Variants in PDE11A observed in about 807,000 individuals in gnomAD.
The protein encoded by PDE11A is dual 3',5'-cyclic-AMP and -GMP phosphodiesterase 11A.
Under a neutral mutation model 100.5 loss-of-function variants are expected in PDE11A, and 100 were observed. The ratio of observed to expected loss-of-function variants is 1.00; its 90% CI spans 0.85 to 1.18. The LOEUF is 1.18. Ranked by LOEUF, PDE11A falls within the 50% of genes most tolerant of loss-of-function variation. The pLI, the probability that PDE11A is intolerant of heterozygous loss-of-function variation, is 0.00. For synonymous variants in PDE11A, 381 were observed against 420.8 expected, an observed-to-expected ratio of 0.91 and a Z score of 1.16; for missense variants, 1,141 against 1,152.6, an observed-to-expected ratio of 0.99 and a Z score of 0.15.
At chr2:177,794,512 G>A (rs1256729980) in intron 9 of PDE11A, among the ~76,000 whole-genome samples, 1 of 152,098 alleles carries the variant, frequency 6.6e-6, no homozygotes, top group African/African-American at 2.4e-5. Flanking sequence ...CAGGCTCATC[G>A]AATTGGGCCC....
chr2:177,840,547 C>G (rs111589573), intron 5 of PDE11A, among the ~76,000 whole-genome samples, 164 bp from the exon 6 acceptor site: 9 of 152,236 alleles, frequency 5.9e-5, no homozygotes, highest in African/African-American at 1.9e-4. Flanking sequence ...GTAGCTACTT[C>G]GAAATGACTT....
intron 2 of PDE11A, among the ~76,000 whole-genome samples, chr2:177,957,999 A>G (rs549652110): frequency 6.7e-6 from 1 of 149,182 alleles, no homozygotes; most frequent in South Asian, 2.1e-4. Flanking sequence ...TCCCAGGTTC[A>G]AGCTATTCCC....
intron 2 of PDE11A, among the ~76,000 whole-genome samples, chr2:178,011,448 T>A (rs2086273373): frequency 6.6e-6 from 1 of 152,124 alleles, no homozygotes; most frequent in African/African-American, 2.4e-5. Context: ...TATAATTTTA[T>A]AAAAGGTTGT....
intron 9 of PDE11A, among the ~76,000 whole-genome samples, chr2:177,792,053 C>G (rs953686124): frequency 7.9e-5 from 12 of 152,122 alleles, no homozygotes; most frequent in Non-Finnish European, 1.5e-4. Flanking sequence ...AAATATGGCT[C>G]TATACATATG....
intron 4 of PDE11A, among the ~76,000 whole-genome samples, chr2:177,878,564 T>C (rs1176918708): frequency 6.6e-6 from 1 of 152,176 alleles, no homozygotes; most frequent in Non-Finnish European, 1.5e-5. Flanking sequence ...ATGAGGGATT[T>C]TTCACACATT....
intron 1 of PDE11A, among the ~76,000 whole-genome samples, chr2:178,066,178 A>C (rs2087040741): frequency 6.6e-6 from 1 of 152,102 alleles, no homozygotes; most frequent in African/African-American, 2.4e-5. Flanking sequence ...GAAAAGCACT[A>C]TCTGGGCATT....
intron 19 of PDE11A, among the ~76,000 whole-genome samples, chr2:177,630,186 G>A (rs1268128437): frequency 6.6e-6 from 1 of 152,214 alleles, no homozygotes; most frequent in African/African-American, 2.4e-5. Context: ...GGGGATGAGG[G>A]AAGAGGAAAT....
chr2:178,020,070 C>G (rs956151787), intron 1 of PDE11A, among the ~76,000 whole-genome samples: 1 of 152,170 alleles, frequency 6.6e-6, no homozygotes, highest in Non-Finnish European at 1.5e-5. Flanking sequence ...ATGAGAACCA[C>G]TGTCCTAAAT....
At chr2:177,726,471 A>G (rs940831371) in intron 12 of PDE11A, among the ~76,000 whole-genome samples, 6 of 152,090 alleles carry the variant, frequency 3.9e-5, no homozygotes, top group African/African-American at 1.4e-4. Flanking sequence ...AGCTTACTCT[A>G]TAGGAGGATG....
At chr2:177,920,795 G>A (rs146081387) in intron 2 of PDE11A, among the ~76,000 whole-genome samples, 74 of 152,176 alleles carry the variant, frequency 4.9e-4, no homozygotes, top group African/African-American at 1.0e-3. Flanking sequence ...AGGCGCGGTC[G>A]CTCATGCCTG....
intron 19 of PDE11A, among the ~76,000 whole-genome samples, chr2:177,638,999 C>CTT (rs1210058568): frequency 1.3e-5 from 2 of 152,196 alleles, no homozygotes; most frequent in Non-Finnish European, 2.9e-5. Context: ...GCAGTCCTCT[C>CTT]TTCTCTCTTA....
chr2:177,701,956 T>C (rs1254100214), intron 13 of PDE11A, among the ~76,000 whole-genome samples: 2 of 152,224 alleles, frequency 1.3e-5, no homozygotes, highest in Non-Finnish European at 2.9e-5. Context: ...TAAGATTATA[T>C]TATCTACCTA....
chr2:178,019,253 G>A lies in PDE11A; in HGVS notation c.913-4793C>T, dbSNP rs374293082. On this transcript the variant is annotated intron_variant, in intron 1 of 19. Coordinates refer to ENST00000286063, the MANE Select transcript of PDE11A (RefSeq NM_016953.4). ...CACACTACTAATTTCTAAATCCTAA[G>A]AAGAGGAGCTTGGAAAGCTGCTGAA... 1.4e-4 allele frequency among the ~76,000 whole-genome samples: 21 copies of A among 152,300 alleles called. No homozygotes were observed. In the East Asian group the frequency reaches 2.9e-3, roughly 21 times the overall value.
intron 5 of PDE11A, among the ~76,000 whole-genome samples, chr2:177,868,409 T>C (rs1293789324): frequency 6.6e-6 from 1 of 152,214 alleles, no homozygotes; most frequent in Non-Finnish European, 1.5e-5. Flanking sequence ...GCATCGATTG[T>C]AAGATGGACT....
At chr2:177,741,185 A>G (rs952423404) in intron 10 of PDE11A, among the ~76,000 whole-genome samples, 8 of 152,222 alleles carry the variant, frequency 5.3e-5, no homozygotes, top group African/African-American at 1.9e-4. Flanking sequence ...CTGGAAGTGC[A>G]AAAGCAAGGT....
At chr2:177,684,626 C>A (rs1288542771) in intron 15 of PDE11A, among the ~76,000 whole-genome samples, 1 of 152,152 alleles carries the variant, frequency 6.6e-6, no homozygotes, top group Non-Finnish European at 1.5e-5. Context: ...GGTTACTTAA[C>A]CTTGCTGGAC....
intron 9 of PDE11A, among the ~76,000 whole-genome samples, chr2:177,812,401 A>G (rs183516404): frequency 2.7e-4 from 41 of 152,046 alleles, no homozygotes; most frequent in African/African-American, 9.9e-4. Context: ...AAAGTTAGCA[A>G]CCTCCTTCTG....
chr2:178,011,659 T>C (rs760134899), intron 2 of PDE11A, among the ~76,000 whole-genome samples: 1 of 152,218 alleles, frequency 6.6e-6, no homozygotes, highest in East Asian at 1.9e-4. Flanking sequence ...ATACACATGA[T>C]ACCTCACATG....
intron 9 of PDE11A, among the ~76,000 whole-genome samples, chr2:177,796,049 G>GAT (rs143437359): frequency 0.03 from 4,364 of 145,790 alleles, 222 homozygotes; most frequent in African/African-American, 0.1. Context: ...ATCTTAAAGT[G>GAT]ATATATATAT....
Sources: allele counts gnomAD v4.1 joint callset (sites outside exome capture counted in the v4.1 genomes callset), GRCh38; gene constraint gnomAD v4.1.1; transcripts MANE v1.5; gene names NCBI Gene and HGNC (gene_info 2026-07-23, HGNC 2026-07-21).